PDE4D: variants seen among roughly 807,000 people sequenced by gnomAD.
The protein encoded by PDE4D is phosphodiesterase 4D, also known as 3',5'-cyclic-AMP phosphodiesterase 4D.
PDE4D carries 24 observed loss-of-function variants against 87.4 expected under a neutral mutation model. That is an observed-to-expected ratio of 0.27 (90% confidence interval 0.20 to 0.39). PDE4D has a LOEUF of 0.39. PDE4D is among the 10% of genes least tolerant of loss of function. PDE4D has a pLI of 1.00. For synonymous variants in PDE4D, 384 were observed against 383.2 expected (o/e 1.00, Z -0.02); for missense variants, 714 against 1,041.0 (o/e 0.69, Z 4.32).
At chr5:59,972,473 G>T (rs1332131106) in intron 3 of PDE4D, among the ~76,000 whole-genome samples, 1 of 152,212 alleles carries the variant, frequency 6.6e-6, no homozygotes, top group Non-Finnish European at 1.5e-5. Context: ...TCAGCCAAAT[G>T]AGTTGATCAA....
chr5:59,968,047 C>T (rs746890015), intron 3 of PDE4D, among the ~76,000 whole-genome samples: 1 of 140,322 alleles, frequency 7.1e-6, no homozygotes, highest in African/African-American at 2.7e-5. Flanking sequence ...TGCAATGACC[C>T]GATCTCAGCT....
chr5:60,415,726 G>A (rs1462204133), intron 1 of PDE4D, among the ~76,000 whole-genome samples: 1 of 152,212 alleles, frequency 6.6e-6, no homozygotes, highest in Non-Finnish European at 1.5e-5. Flanking sequence ...TGTGCAGCCC[G>A]AGCCTCCCTG....
chr5:60,323,873 C>T (rs975671552), intron 1 of PDE4D, among the ~76,000 whole-genome samples: 22 of 144,152 alleles, frequency 1.5e-4, no homozygotes, highest in African/African-American at 6.2e-4. Context: ...CCCCCTGCTC[C>T]CATTCTTTAC....
At chr5:59,902,722 A>C (rs1309878537) in intron 3 of PDE4D, among the ~76,000 whole-genome samples, 1 of 152,180 alleles carries the variant, frequency 6.6e-6, no homozygotes, top group Non-Finnish European at 1.5e-5. Flanking sequence ...GAAGAGATGG[A>C]AACTAAGTGG....
At chr5:59,275,957 G>A in intron 1 of PDE4D, 1 of 985,178 alleles carries the variant, frequency 1.0e-6, no homozygotes, top group South Asian at 4.7e-5. Flanking sequence ...CTTTGGCTGG[G>A]TGGGCTGATT....
At chr5:59,179,556 T>C (rs1740982271) in intron 5 of PDE4D, 1 of 352,550 alleles carries the variant, frequency 2.8e-6, no homozygotes, top group South Asian at 2.2e-5. Context: ...CAAGTTTCAC[T>C]TGATGACATT....
At chr5:59,586,717 A>G (rs1009704729) in intron 1 of PDE4D, 1 of 985,458 alleles carries the variant, frequency 1.0e-6, no homozygotes, top group South Asian at 4.7e-5. Context: ...AACCGCCTTG[A>G]GTGTAAATTA....
At chr5:59,183,596 A>T (rs1742195292) in intron 4 of PDE4D, among the ~76,000 whole-genome samples, 1 of 152,200 alleles carries the variant, frequency 6.6e-6, no homozygotes, top group African/African-American at 2.4e-5. Flanking sequence ...TTTGGGAGTG[A>T]CAACCAGTTA....
chr5:59,119,343 C>T (rs780517210), intron 5 of PDE4D, among the ~76,000 whole-genome samples: 16 of 152,024 alleles, frequency 1.1e-4, no homozygotes, highest in Non-Finnish European at 1.5e-4. Flanking sequence ...GAAATTTATG[C>T]TCTCTATATA....
intron 2 of PDE4D, among the ~76,000 whole-genome samples, chr5:59,201,622 T>C (rs1226880380): frequency 5.3e-5 from 8 of 152,230 alleles, no homozygotes; most frequent in Non-Finnish European, 8.8e-5. Flanking sequence ...ATATGGATCC[T>C]CTGTATTGCT....
At chr5:60,458,110 T>G (rs60257457) in intron 1 of PDE4D, among the ~76,000 whole-genome samples, 1 of 152,042 alleles carries the variant, frequency 6.6e-6, no homozygotes, top group South Asian at 2.1e-4. Context: ...CATGGCCAGG[T>G]GCAGTGGCTT....
intron 1 of PDE4D, among the ~76,000 whole-genome samples, chr5:60,222,488 T>C (rs1744610644): frequency 1.3e-5 from 2 of 152,188 alleles, no homozygotes; most frequent in Admixed American, 1.3e-4. Context: ...TAATTTGTTA[T>C]CCAGATGACT....
intron 1 of PDE4D, among the ~76,000 whole-genome samples, chr5:59,232,644 T>C (rs1755482883): frequency 6.6e-6 from 1 of 152,034 alleles, no homozygotes; most frequent in African/African-American, 2.4e-5. Flanking sequence ...AGAACTATTA[T>C]ACAATCCAGC....
intron 5 of PDE4D, among the ~76,000 whole-genome samples, chr5:59,072,726 T>C (rs1007817881): frequency 6.6e-6 from 1 of 152,232 alleles, no homozygotes. Flanking sequence ...TGTTTTTTTG[T>C]TTTCTGTTTT....
intron 1 of PDE4D, among the ~76,000 whole-genome samples, chr5:59,238,701 G>T (rs1757013293): frequency 1.3e-5 from 2 of 152,114 alleles, no homozygotes; most frequent in Admixed American, 1.3e-4. Flanking sequence ...CACATCAAAG[G>T]CTCTATTTCA....
At chr5:59,439,096 C>T (rs1005271752) in intron 1 of PDE4D, among the ~76,000 whole-genome samples, 6 of 152,094 alleles carry the variant, frequency 3.9e-5, no homozygotes, top group African/African-American at 1.4e-4. Flanking sequence ...CAGTGGCTCA[C>T]ATCTGTAATC....
At chr5:59,856,570 A>G (rs942809872) in intron 1 of PDE4D, among the ~76,000 whole-genome samples, 3 of 152,172 alleles carry the variant, frequency 2.0e-5, no homozygotes, top group African/African-American at 4.8e-5. Context: ...GCCTTACTCT[A>G]TTACCGACAC....
chr5:59,733,995 C>T (rs1328322530), intron 1 of PDE4D, among the ~76,000 whole-genome samples: 1 of 151,860 alleles, frequency 6.6e-6, no homozygotes, highest in Non-Finnish European at 1.5e-5. Context: ...TTTTTTATTC[C>T]AGAGTCTATG....
At chr5:59,422,826 C>T (rs1794675749) in intron 1 of PDE4D, among the ~76,000 whole-genome samples, 1 of 152,144 alleles carries the variant, frequency 6.6e-6, no homozygotes, top group South Asian at 2.1e-4. Context: ...CAAAGGTCAA[C>T]ATTTATGACA....
Sources: gnomAD v4.1 joint callset for allele counts (sites outside exome capture counted in the v4.1 genomes callset) on GRCh38, gnomAD v4.1.1 for gene constraint, MANE v1.5 for transcripts, NCBI Gene and HGNC (gene_info 2026-07-23, HGNC 2026-07-21) for gene names.